The following ABCB4 variants were observed in gnomAD, a reference collection of about 807,000 sequenced individuals.
ABCB4 encodes ATP binding cassette subfamily B member 4, also known as phosphatidylcholine translocator ABCB4.
Under a neutral mutation model 145.7 loss-of-function variants are expected in ABCB4, and 76 were observed. The ratio of observed to expected loss-of-function variants is 0.52; its 90% CI spans 0.43 to 0.63. The LOEUF (loss-of-function observed/expected upper bound fraction) is 0.63, where lower values mean the gene tolerates loss of function less well. ABCB4 is among the 30% of genes least tolerant of loss of function. The pLI is 0.00. For missense variants in ABCB4, 1,234 were observed against 1,553.1 expected (o/e 0.79, Z 3.45); for synonymous variants, 517 against 566.8 (o/e 0.91, Z 1.25).
chr7:87,464,931 A>T (rs10452935), intron 3 of ABCB4, among the ~76,000 whole-genome samples: 39,970 of 152,054 alleles, frequency 0.26, 6,302 homozygotes, highest in African/African-American at 0.45. Context: ...AGCTCCAGTC[A>T]ACAGCTCCCA....
the ABCB4 span, among the ~76,000 whole-genome samples, chr7:87,390,456 A>G: frequency 6.6e-6 from 1 of 152,160 alleles, no homozygotes. Flanking sequence ...TTTTAGTGCT[A>G]TTTAAAAATA....
At position 87,406,518 on chromosome 7, in the gene ABCB4, A is replaced by G. The variant is rs753672621; in HGVS notation, c.3280-24T>C. 9.5e-5 allele frequency: 153 copies of G among 1,613,196 alleles called. No homozygotes were observed. Among genetic ancestry groups the G allele is most frequent in the Non-Finnish European group, 1.3e-4 (148 of 1,179,776 alleles). ...AGCTGAAAACCAAAGTCCACAAACTATAAGAAGGGTATAAAAAAGAAAAAA... is the reference window on the plus strand; with the variant it reads ...AGCTGAAAACCAAAGTCCACAAACTGTAAGAAGGGTATAAAAAAGAAAAAA... On this transcript the variant is annotated intron_variant, in intron 25 of 27. Transcript: ENST00000649586.
intron 23 of ABCB4, among the ~76,000 whole-genome samples, chr7:87,410,760 C>A (rs1226072405): frequency 6.6e-6 from 1 of 152,110 alleles, no homozygotes; most frequent in African/African-American, 2.4e-5. Flanking sequence ...TTTTCTTGTC[C>A]TCTGGTTTCA....
chr7:87,469,965 A>G (rs1813241353), intron 3 of ABCB4, among the ~76,000 whole-genome samples: 2 of 152,228 alleles, frequency 1.3e-5, no homozygotes, highest in South Asian at 4.1e-4. Context: ...CTGACTTCAA[A>G]CTATACTACA....
intron 19 of ABCB4, among the ~76,000 whole-genome samples, chr7:87,419,105 C>G (rs1809212005): frequency 6.6e-6 from 1 of 152,122 alleles, no homozygotes; most frequent in Non-Finnish European, 1.5e-5. Flanking sequence ...TGTCTGATCT[C>G]CAGTTAGCCA....
At chr7:87,444,025 A>G (rs1811175632) in intron 10 of ABCB4, among the ~76,000 whole-genome samples, 1 of 152,184 alleles carries the variant, frequency 6.6e-6, no homozygotes, top group African/African-American at 2.4e-5. Context: ...ATTTCCCTTT[A>G]AGTTTTTGGC....
At position 87,418,415 on chromosome 7, in the gene ABCB4, C is replaced by G. The variant is rs1234418485; in HGVS notation, c.2478+122G>C. 6.8e-6 allele frequency: 6 copies of G among 882,474 alleles called. No individual in the cohort carries two copies. The Admixed American group carries it at 1.2e-4, about 17-fold the overall frequency. The allele number at this position is 882,474 out of a possible 1,614,324, so 54.7% of individuals were successfully genotyped here. On this transcript the variant is annotated intron_variant, in intron 20 of 27. Coordinates refer to ENST00000649586, the MANE Select transcript of ABCB4 (RefSeq NM_000443.4). ...TTAATCTTCTGCTTATTGTTTACAGCAGTTTTGATTTGAGCTTTCTGCTAT... is the reference window on the plus strand; with the variant it reads ...TTAATCTTCTGCTTATTGTTTACAGGAGTTTTGATTTGAGCTTTCTGCTAT...
the ABCB4 span, among the ~76,000 whole-genome samples, chr7:87,389,149 A>G: frequency 6.6e-6 from 1 of 152,228 alleles, no homozygotes; most frequent in Non-Finnish European, 1.5e-5. Context: ...ATGTGGAGAA[A>G]TAGGAATGCT....
intron 4 of ABCB4, among the ~76,000 whole-genome samples, chr7:87,459,581 T>A (rs913698244): frequency 1.1e-4 from 17 of 152,262 alleles, no homozygotes; most frequent in African/African-American, 3.8e-4. Context: ...AGAAGCCATT[T>A]AAAATTTTTT....
downstream of ABCB4, among the ~76,000 whole-genome samples, chr7:87,397,930 C>A (rs1032899337): frequency 4.6e-5 from 7 of 152,152 alleles, no homozygotes; most frequent in Non-Finnish European, 5.9e-5. Flanking sequence ...AGCTCTAAGT[C>A]AGGCTTCTCT....
At chr7:87,370,032 C>T in the ABCB4 span, among the ~76,000 whole-genome samples, 10 of 151,872 alleles carry the variant, frequency 6.6e-5, no homozygotes, top group Admixed American at 2.6e-4. Context: ...TCAACTATAC[C>T]TCTTTTACCT....
In ABCB4 at chr7:87,451,789, A is replaced by G; in HGVS notation, c.542T>C (p.Ile181Thr). 1 of 1,614,150 alleles carries G rather than the reference A, an allele frequency of 6.2e-7. No homozygotes were observed. Among genetic ancestry groups the G allele is most frequent in the Non-Finnish European group, 8.5e-7 (1 of 1,180,000 alleles). ...TELNTRLTDDISKISEGIGDK... is the reference protein window; with the variant it reads ...TELNTRLTDDTSKISEGIGDK... Reference sequence around the variant, plus strand: ...ACCAATTCCTTCACTGATTTTGGAGATGTCACTAAAAAAGATCACACCTAA... The same window carrying G: ...ACCAATTCCTTCACTGATTTTGGAGGTGTCACTAAAAAAGATCACACCTAA... Residue 181 changes from isoleucine (I) to threonine (T), a missense_variant, in exon 7 of 28, where the codon ATC becomes ACC. Ile to Thr is a moderately conservative substitution (Grantham distance 89). Coordinates refer to ENST00000649586, the MANE Select transcript of ABCB4 (RefSeq NM_000443.4).
the ABCB4 span, among the ~76,000 whole-genome samples, chr7:87,376,229 T>C: frequency 1.3e-5 from 2 of 152,076 alleles, no homozygotes; most frequent in Non-Finnish European, 2.9e-5. Flanking sequence ...ACCTTTTCAT[T>C]GCTTGCCTAC....
chr7:87,372,939 A>G, the ABCB4 span, among the ~76,000 whole-genome samples: 3 of 152,110 alleles, frequency 2.0e-5, no homozygotes, highest in East Asian at 5.8e-4. Context: ...TGCCGTGACT[A>G]TTGTATACAG....
rs978750524 is a variant in ABCB4 at position 87,409,151 on chromosome 7, C to T, written c.3081+85G>A. Reference sequence around the variant, plus strand: ...GAAACACATGTTGGTGTAATCATCACAAACTTATCCTGTAGCTATAATCTA... The same window carrying T: ...GAAACACATGTTGGTGTAATCATCATAAACTTATCCTGTAGCTATAATCTA... On this transcript the variant is annotated intron_variant, in intron 24 of 27. Coordinates refer to ENST00000649586, the MANE Select transcript of ABCB4 (RefSeq NM_000443.4). 2.2e-5 allele frequency: 34 copies of T among 1,514,446 alleles called. No individual in the cohort carries two copies. In the Admixed American group the frequency reaches 3.2e-4, roughly 14 times the overall value. The allele number at this position is 1,514,446 out of a possible 1,614,324, so 93.8% of individuals were successfully genotyped here. A position where few individuals can be genotyped will look rare whatever the true frequency, so the allele number is the denominator to read the frequency against.
chr7:87,377,435 T>G, the ABCB4 span: 1 of 1,602,282 alleles, frequency 6.2e-7, no homozygotes, highest in South Asian at 1.1e-5. Context: ...ATGGAGTATT[T>G]GGCTGTAATT....
intron 3 of ABCB4, among the ~76,000 whole-genome samples, chr7:87,464,163 A>C (rs974375089): frequency 1.3e-5 from 2 of 152,186 alleles, no homozygotes; most frequent in African/African-American, 4.8e-5. Context: ...GCTAGGTCAG[A>C]CTGGGTCAAT....
intron 9 of ABCB4, among the ~76,000 whole-genome samples, chr7:87,446,006 CA>C (rs1443342029): frequency 6.6e-6 from 1 of 152,188 alleles, no homozygotes; most frequent in Admixed American, 6.5e-5. Context: ...CTCCCTTCTT[CA>C]TAAAACATCA....
chr7:87,419,664 A>G (rs1376763969), intron 19 of ABCB4, among the ~76,000 whole-genome samples: 2 of 152,310 alleles, frequency 1.3e-5, no homozygotes, highest in Admixed American at 6.5e-5. Context: ...TGGAGTCTCA[A>G]TGGACTCACC....
Sources: allele counts gnomAD v4.1 joint callset (sites outside exome capture counted in the v4.1 genomes callset), GRCh38; gene constraint gnomAD v4.1.1; transcripts MANE v1.5; gene names NCBI Gene and HGNC (gene_info 2026-07-23, HGNC 2026-07-21).